The following PPARGC1A variants were observed in gnomAD, a reference collection of about 807,000 sequenced individuals.
The protein encoded by PPARGC1A is peroxisome proliferator-activated receptor gamma coactivator 1-alpha.
Under a neutral mutation model 88.7 loss-of-function variants are expected in PPARGC1A, and 25 were observed. The ratio of observed to expected loss-of-function variants is 0.28; its 90% CI spans 0.21 to 0.39. The LOEUF (loss-of-function observed/expected upper bound fraction) is 0.39. PPARGC1A is among the 10% of genes least tolerant of loss of function. The probability of loss-of-function intolerance (pLI) is 1.00; values close to 1 mark genes in which losing one functional copy is unlikely to be tolerated. For synonymous variants in PPARGC1A, 363 were observed against 355.6 expected, an observed-to-expected ratio of 1.02 and a Z score of -0.24; for missense variants, 880 against 968.7, an observed-to-expected ratio of 0.91 and a Z score of 1.22.
At chr4:24,437,270 C>T in the PPARGC1A span, among the ~76,000 whole-genome samples, 1 of 152,194 alleles carries the variant, frequency 6.6e-6, no homozygotes, top group South Asian at 2.1e-4. Context: ...GGTGAAGAGG[C>T]CACAGCTCTA....
the PPARGC1A span, among the ~76,000 whole-genome samples, chr4:24,302,178 T>C: frequency 3.3e-4 from 51 of 152,336 alleles, no homozygotes; most frequent in South Asian, 4.8e-3. Context: ...GGTTTGATGA[T>C]AGAATAATAA....
intron 2 of PPARGC1A, among the ~76,000 whole-genome samples, chr4:23,865,753 G>A (rs775603483): frequency 1.7e-4 from 26 of 152,208 alleles, no homozygotes; most frequent in Admixed American, 1.0e-3. Context: ...TAGCATCTGC[G>A]GCTGAAATCT....
the PPARGC1A span, among the ~76,000 whole-genome samples, chr4:24,308,195 G>C: frequency 1.3e-5 from 2 of 150,524 alleles, no homozygotes; most frequent in Non-Finnish European, 1.5e-5. Context: ...GGAAGGCTGA[G>C]GCAGGACAAT....
chr4:24,302,497 T>C, the PPARGC1A span, among the ~76,000 whole-genome samples: 46 of 152,240 alleles, frequency 3.0e-4, no homozygotes, highest in East Asian at 4.3e-3. Flanking sequence ...TTTGACAGGG[T>C]GTTTGATGAA....
chr4:24,465,359 A>AT, the PPARGC1A span, among the ~76,000 whole-genome samples: 1 of 152,214 alleles, frequency 6.6e-6, no homozygotes, highest in Non-Finnish European at 1.5e-5. Flanking sequence ...AGAAAGAAAC[A>AT]TTTTAATATA....
the PPARGC1A span, among the ~76,000 whole-genome samples, chr4:24,088,861 A>T: frequency 1.3e-5 from 2 of 152,196 alleles, no homozygotes; most frequent in East Asian, 1.9e-4. Context: ...TGGGAATAGG[A>T]TAGGCATTGG....
chr4:23,833,179 A>G (rs1357779577), intron 2 of PPARGC1A, among the ~76,000 whole-genome samples: 1 of 152,198 alleles, frequency 6.6e-6, no homozygotes, highest in Non-Finnish European at 1.5e-5. Context: ...AGTACTCTGT[A>G]AAAAATGTTC....
At chr4:24,389,565 A>G in the PPARGC1A span, among the ~76,000 whole-genome samples, 1 of 152,216 alleles carries the variant, frequency 6.6e-6, no homozygotes, top group Non-Finnish European at 1.5e-5. Context: ...GACCTGGATC[A>G]TAATAAGCAC....
the PPARGC1A span, among the ~76,000 whole-genome samples, chr4:24,060,305 C>G: frequency 1.3e-5 from 2 of 152,164 alleles, no homozygotes; most frequent in Non-Finnish European, 2.9e-5. Flanking sequence ...AAGCAAGCCA[C>G]TATGGAGAAC....
the PPARGC1A span, among the ~76,000 whole-genome samples, chr4:23,980,851 C>T: frequency 6.6e-6 from 1 of 152,146 alleles, no homozygotes; most frequent in African/African-American, 2.4e-5. Context: ...GATCACATGT[C>T]TTCACCTTAG....
At chr4:24,448,503 C>G in the PPARGC1A span, among the ~76,000 whole-genome samples, 2 of 152,186 alleles carry the variant, frequency 1.3e-5, no homozygotes, top group Admixed American at 6.5e-5. Flanking sequence ...CCCTCCCATG[C>G]TTTAAAATCT....
chr4:24,033,070 CA>C, the PPARGC1A span, among the ~76,000 whole-genome samples: 1 of 152,080 alleles, frequency 6.6e-6, no homozygotes, highest in Admixed American at 6.6e-5. Context: ...GGATGTGGTC[CA>C]AAGTGAATAT....
At chr4:23,834,227 G>C (rs192616762) in intron 2 of PPARGC1A, among the ~76,000 whole-genome samples, 6 of 152,104 alleles carry the variant, frequency 3.9e-5, no homozygotes, top group South Asian at 2.1e-4. Flanking sequence ...GTGAACCCGG[G>C]GGGTGGAGCT....
At chr4:23,898,260 T>C (rs1381087289) in intron 1 of PPARGC1A, among the ~76,000 whole-genome samples, 1 of 152,204 alleles carries the variant, frequency 6.6e-6, no homozygotes, top group Non-Finnish European at 1.5e-5. Context: ...TTAGCAAATG[T>C]ATTAAACCAA....
intron 10 of PPARGC1A, among the ~76,000 whole-genome samples, chr4:23,810,834 T>G (rs1366519797): frequency 6.6e-6 from 1 of 152,232 alleles, no homozygotes; most frequent in Non-Finnish European, 1.5e-5. Context: ...GTAATGATTA[T>G]AATGTGCCAT....
chr4:23,802,217 T>C lies in PPARGC1A; in HGVS notation c.2141+7A>G. 6.2e-7 allele frequency: 1 copy of C among 1,614,052 alleles called. No individual in the cohort carries two copies. On this transcript the variant is annotated splice_region_variant and intron_variant, in intron 11 of 12. Coordinates refer to ENST00000264867, the MANE Select transcript of PPARGC1A (RefSeq NM_013261.5). ...TCTAAACAAGAAATAATCTTGAAGA[T>C]TCTCACCCATCATCCCGCAGATTTA...
the PPARGC1A span, among the ~76,000 whole-genome samples, chr4:24,277,267 C>T: frequency 5.9e-5 from 9 of 152,172 alleles, no homozygotes; most frequent in South Asian, 8.3e-4. Flanking sequence ...TTTATAGAGA[C>T]GGGGTTTCGC....
chr4:23,847,892 A>AT (rs2148650779), intron 2 of PPARGC1A, among the ~76,000 whole-genome samples: 1 of 152,328 alleles, frequency 6.6e-6, no homozygotes, highest in African/African-American at 2.4e-5. Context: ...TATTCTTAAA[A>AT]ATATATAAAA....
chr4:24,417,955 T>C, the PPARGC1A span, among the ~76,000 whole-genome samples: 1 of 151,994 alleles, frequency 6.6e-6, no homozygotes, highest in Non-Finnish European at 1.5e-5. Flanking sequence ...GCTATAAGAC[T>C]AACCCTCCAC....
Sources: allele counts gnomAD v4.1 joint callset (sites outside exome capture counted in the v4.1 genomes callset), GRCh38; gene constraint gnomAD v4.1.1; transcripts MANE v1.5; gene names NCBI Gene and HGNC (gene_info 2026-07-23, HGNC 2026-07-21).